CYP2C19: variants seen among roughly 807,000 people sequenced by gnomAD.
CYP2C19 encodes the protein cytochrome P450 2C19.
Under a neutral mutation model 40.9 loss-of-function variants are expected in CYP2C19, and 59 were observed. The ratio of observed to expected loss-of-function variants is 1.44; its 90% CI spans 1.17 to 1.79. The LOEUF is 1.79. Among genes scored for constraint, CYP2C19 ranks in the 40% most tolerant of loss-of-function variants. CYP2C19 has a pLI of 0.00. For missense variants in CYP2C19, 754 were observed against 596.9 expected, an observed-to-expected ratio of 1.26 and a Z score of -2.74; for synonymous variants, 253 against 208.7, an observed-to-expected ratio of 1.21 and a Z score of -1.83.
intron 4 of CYP2C19, 114 bp downstream of exon 4, chr10:94,780,773 C>T: frequency 3.5e-6 from 4 of 1,150,824 alleles, no homozygotes; most frequent in Non-Finnish European, 5.0e-6. Context: ...TACAGTCTTG[C>T]CTAGACAGCC....
intron 5 of CYP2C19, among the ~76,000 whole-genome samples, chr10:94,797,977 G>A (rs1365594682): frequency 1.3e-5 from 2 of 151,740 alleles, no homozygotes; most frequent in Middle Eastern, 3.4e-3. Flanking sequence ...AGGGTTTTTT[G>A]TGTCTCTATC....
In CYP2C19 at chr10:94,782,094, A is replaced by G. The variant is rs890402630; in HGVS notation, c.819+97A>G. 3 of 993,682 alleles carry G rather than the reference A, an allele frequency of 3.0e-6. No homozygotes were observed. In the African/African-American group the frequency reaches 5.1e-5, roughly 17 times the overall value. The allele number at this position is 993,682 out of a possible 1,614,324, so 61.6% of individuals were successfully genotyped here. ...ACTACGGATGTTTAACAGGTCAAGG[A>G]GTAATGCTTGAGAAGCATATTTAAG... On this transcript the variant is annotated intron_variant, in intron 5 of 8. Transcript: ENST00000371321.
Position 94,827,653 on chromosome 10 carries a change from G to C in CYP2C19, c.961+7016G>C, listed in dbSNP as rs114767197. Among the ~76,000 whole-genome samples, 472 of 152,206 alleles carry C rather than the reference G, an allele frequency of 3.1e-3. 3 individuals are homozygous for C. The highest frequency in any genetic ancestry group is 0.011 in the African/African-American group (449 of 41,540). ...TAATTTTTTGAAGGGTCTTTTGTGT[G>C]TCTCTTTCCTTCAGTTCTGCTTTGA... On this transcript the variant is annotated intron_variant, in intron 6 of 8. Coordinates refer to ENST00000371321, the MANE Select transcript of CYP2C19 (RefSeq NM_000769.4).
intron 5 of CYP2C19, 92 bp downstream of exon 5, chr10:94,782,089 C>A: frequency 9.6e-7 from 1 of 1,045,562 alleles, no homozygotes; most frequent in Non-Finnish European, 1.4e-6. Context: ...TTTAACAGGT[C>A]AAGGAGTAAT....
intron 6 of CYP2C19, among the ~76,000 whole-genome samples, chr10:94,823,279 C>G (rs1407124689): frequency 6.6e-6 from 1 of 152,116 alleles, no homozygotes; most frequent in Non-Finnish European, 1.5e-5. Context: ...AACTAATTTT[C>G]TCCCACAAGA....
intron 5 of CYP2C19, among the ~76,000 whole-genome samples, chr10:94,782,533 A>T (rs1180914026): frequency 6.6e-6 from 1 of 152,160 alleles, no homozygotes; most frequent in East Asian, 1.9e-4. Flanking sequence ...TAGTTCAATC[A>T]TTGTGGAAGG....
At chr10:94,779,722 G>A (rs753696539) in intron 3 of CYP2C19, among the ~76,000 whole-genome samples, 122 of 151,722 alleles carry the variant, frequency 8.0e-4, no homozygotes, top group Non-Finnish European at 1.4e-3. Context: ...CACCACACTC[G>A]ACTAATTTTT....
intron 6 of CYP2C19, among the ~76,000 whole-genome samples, chr10:94,837,697 G>C (rs1433576749): frequency 6.6e-6 from 1 of 152,146 alleles, no homozygotes; most frequent in Non-Finnish European, 1.5e-5. Context: ...TGAGAAGGTT[G>C]CACCAGTGTC....
rs188237859 is a variant in CYP2C19, at chr10:94,801,704, A to G, written c.820-18792A>G. On this transcript the variant is annotated intron_variant, in intron 5 of 8. Coordinates refer to ENST00000371321, the MANE Select transcript of CYP2C19 (RefSeq NM_000769.4). ...TTGACAGTGGGTGATAAAATCTCCC[A>G]CTATTATTGTGTGGGAGTCTAAGTC... is the stretch of plus-strand genomic sequence containing the variant. Among the ~76,000 whole-genome samples, 473 of 152,274 alleles carry G rather than the reference A, an allele frequency of 3.1e-3. 3 individuals carry two copies. The highest frequency in any genetic ancestry group is 0.011 in the African/African-American group (450 of 41,562).
chr10:94,773,193 A>G (rs1374672844), intron 1 of CYP2C19, among the ~76,000 whole-genome samples: 1 of 152,184 alleles, frequency 6.6e-6, no homozygotes, highest in African/African-American at 2.4e-5. Flanking sequence ...CTGCTTGGCA[A>G]TAGGCAAAAG....
At chr10:94,778,411 C>T (rs1001049414) in intron 3 of CYP2C19, among the ~76,000 whole-genome samples, 1 of 152,088 alleles carries the variant, frequency 6.6e-6, no homozygotes, top group African/African-American at 2.4e-5. Flanking sequence ...TTTCTCCCAC[C>T]ACTCTGATGG....
At chr10:94,834,927 T>C (rs1849379589) in intron 6 of CYP2C19, among the ~76,000 whole-genome samples, 1 of 152,116 alleles carries the variant, frequency 6.6e-6, no homozygotes, top group Admixed American at 6.5e-5. Flanking sequence ...CAAGTGCTGT[T>C]GGGGAGGTTG....
chr10:94,825,974 G>A (rs2134273062), intron 6 of CYP2C19, among the ~76,000 whole-genome samples: 1 of 150,616 alleles, frequency 6.6e-6, no homozygotes, highest in East Asian at 1.9e-4. Flanking sequence ...TTGTAGATAT[G>A]TGGCGTTATT....
At position 94,831,955 on chromosome 10, in the gene CYP2C19, G is replaced by A. The variant is rs772230470; in HGVS notation, c.962-10882G>A. Among the ~76,000 whole-genome samples the A allele has an allele frequency of 1.1e-4, 17 of 152,206 alleles. No individual in the cohort carries two copies. The East Asian group carries it at 1.2e-3, about 10-fold the overall frequency. ...TGCTTTGAATGCCTGTGCTTGTGGG[G>A]TATTGCTCAAGAAATTTTTGCCTAG... On this transcript the variant is annotated intron_variant, in intron 6 of 8. Coordinates refer to ENST00000371321, the MANE Select transcript of CYP2C19 (RefSeq NM_000769.4).
At chr10:94,815,340 G>C (rs1008725024) in intron 5 of CYP2C19, among the ~76,000 whole-genome samples, 1 of 152,168 alleles carries the variant, frequency 6.6e-6, no homozygotes, top group Non-Finnish European at 1.5e-5. Flanking sequence ...AGGTCACTTG[G>C]AGACTCTAAA....
At chr10:94,832,520 T>A (rs1413347196) in intron 6 of CYP2C19, among the ~76,000 whole-genome samples, 1 of 152,084 alleles carries the variant, frequency 6.6e-6, no homozygotes, top group East Asian at 1.9e-4. Flanking sequence ...AGATTTGGGG[T>A]GGGGACACAG....
chr10:94,817,396 C>T (rs999170683), intron 5 of CYP2C19, among the ~76,000 whole-genome samples: 4 of 146,244 alleles, frequency 2.7e-5, no homozygotes, highest in African/African-American at 1.0e-4. Context: ...AGTGTCTGTT[C>T]ATGTCCTTTG....
intron 5 of CYP2C19, among the ~76,000 whole-genome samples, chr10:94,805,066 C>A (rs1164348512): frequency 6.6e-6 from 1 of 152,016 alleles, no homozygotes; most frequent in Non-Finnish European, 1.5e-5. Context: ...TGCATGGTTG[C>A]TCTGGCTAGA....
chr10:94,777,067 T>C (rs1382724917), intron 3 of CYP2C19, among the ~76,000 whole-genome samples: 1 of 151,912 alleles, frequency 6.6e-6, no homozygotes, highest in African/African-American at 2.4e-5. Flanking sequence ...ACAAAGAGAA[T>C]AAAATGGCTA....
Sources: gnomAD v4.1 joint callset for allele counts (sites outside exome capture counted in the v4.1 genomes callset) on GRCh38, gnomAD v4.1.1 for gene constraint, MANE v1.5 for transcripts, NCBI Gene and HGNC (gene_info 2026-07-23, HGNC 2026-07-21) for gene names.